MTOR: variants seen among roughly 807,000 people sequenced by gnomAD.
MTOR encodes the protein mechanistic target of rapamycin kinase.
Under a neutral mutation model 319.8 loss-of-function variants are expected in MTOR, and 70 were observed. The observed-to-expected ratio is 0.22, with a 90% CI of 0.18 to 0.27. The LOEUF (loss-of-function observed/expected upper bound fraction) is 0.27, where lower values mean the gene tolerates loss of function less well. MTOR is among the 10% of genes least tolerant of loss of function. MTOR has a pLI of 1.00. For missense variants in MTOR, 1,890 were observed against 3,274.4 expected, an observed-to-expected ratio of 0.58 and a Z score of 10.32; for synonymous variants, 1,183 against 1,211.4, an observed-to-expected ratio of 0.98 and a Z score of 0.49.
rs576612860 is a variant in MTOR, at chr1:11,150,843, T to C, written c.4470-617A>G. 1.6e-3 allele frequency among the ~76,000 whole-genome samples: 250 copies of C among 152,276 alleles called. 2 individuals are homozygous for C. Among genetic ancestry groups the C allele is most frequent in the African/African-American group, 5.5e-3 (230 of 41,562 alleles). On this transcript the variant is annotated intron_variant, in intron 30 of 57. Transcript: ENST00000361445. ...ACACCCCAATAAACAAAAGAGAACA[T>C]GGAAGCCCTAGAATAGGGTCTTGCT...
At chr1:11,132,825 C>T (rs1432986825) in intron 38 of MTOR, 1 of 410,388 alleles carries the variant, frequency 2.4e-6, no homozygotes, top group African/African-American at 2.0e-5. Context: ...GTCTGTAAGA[C>T]AGCAGCAATC....
At chr1:11,242,167 C>T (rs1648133532) in intron 9 of MTOR, among the ~76,000 whole-genome samples, 1 of 152,050 alleles carries the variant, frequency 6.6e-6, no homozygotes, top group Admixed American at 6.6e-5. Context: ...AGTTCGAGAC[C>T]AGCCTGGCCA....
chr1:11,110,459 G>A (rs1641803070), intron 54 of MTOR, among the ~76,000 whole-genome samples: 1 of 151,854 alleles, frequency 6.6e-6, no homozygotes, highest in Non-Finnish European at 1.5e-5. Context: ...CTGGAGTGCA[G>A]TGGCATGATA....
chr1:11,196,327 A>G (rs1645782483), intron 28 of MTOR, among the ~76,000 whole-genome samples: 1 of 152,124 alleles, frequency 6.6e-6, no homozygotes, highest in Non-Finnish European at 1.5e-5. Flanking sequence ...CTAACAAATA[A>G]CCACTCAATC....
intron 36 of MTOR, among the ~76,000 whole-genome samples, chr1:11,136,955 C>T (rs1359593039): frequency 6.6e-6 from 1 of 151,568 alleles, no homozygotes; most frequent in Non-Finnish European, 1.5e-5. Context: ...GATTCTCCCG[C>T]CTCAACTTCC....
At position 11,213,449 on chromosome 1, in the gene MTOR, G is replaced by C. The variant is rs745838002; in HGVS notation, c.3235C>G (p.Leu1079Val). The C allele has an allele frequency of 6.2e-7, 1 of 1,613,778 alleles. No individual in the cohort carries two copies. The highest frequency in any genetic ancestry group is 8.5e-7 in the Non-Finnish European group (1 of 1,180,014). ...LYLPQLIPHM[L>V]RVFMHDNSPG... ...CTGTTGTCATGCATGAAGACACGCA[G>C]CATGTGTGGGATCAGCTGGGGCAGG... The change falls in exon 21 of 58, where the codon CTG becomes GTG. Residue 1079 changes from leucine (L) to valine (V), a missense_variant. This residue lies in a region of MTOR where 377 missense variants were observed against 653.9 expected (regional missense o/e 0.58). Coordinates refer to ENST00000361445, the MANE Select transcript of MTOR (RefSeq NM_004958.4).
intron 19 of MTOR, among the ~76,000 whole-genome samples, chr1:11,223,299 AGACAATCAGG>A (rs1646727168): frequency 6.7e-6 from 1 of 149,378 alleles, no homozygotes; most frequent in Non-Finnish European, 1.5e-5. Flanking sequence ...TGAATTTTTA[AGACAATCAGG>A]GACATCTGAA....
chr1:11,161,067 A>T lies in MTOR; in HGVS notation c.4330-3776T>A, dbSNP rs190712517. ...AAGTTGTGACAGATGGCACCTGGAA[A>T]ATCGGGTCACTCCCACCCTAAAACT... On this transcript the variant is annotated intron_variant, in intron 29 of 57. Coordinates refer to ENST00000361445, the MANE Select transcript of MTOR (RefSeq NM_004958.4). Among the ~76,000 whole-genome samples the T allele has an allele frequency of 2.6e-5, 4 of 152,304 alleles. No homozygotes were observed. In the East Asian group the frequency reaches 7.7e-4, roughly 29 times the overall value.
chr1:11,192,426 G>A, intron 28 of MTOR: 1 of 1,421,812 alleles, frequency 7.0e-7, no homozygotes, highest in South Asian at 1.2e-5. Context: ...ACCCCCTCAA[G>A]GGGACTACAA....
At chr1:11,119,867 T>C (rs1642413399) in intron 49 of MTOR, among the ~76,000 whole-genome samples, 1 of 151,300 alleles carries the variant, frequency 6.6e-6, no homozygotes, top group Non-Finnish European at 1.5e-5. Flanking sequence ...AAAAAATGCC[T>C]GTACAGTCAT....
chr1:11,239,662 T>C (rs1346063756), intron 11 of MTOR, among the ~76,000 whole-genome samples: 1 of 152,112 alleles, frequency 6.6e-6, no homozygotes, highest in Non-Finnish European at 1.5e-5. Flanking sequence ...CCCAGCACTT[T>C]GGGAGGTCGA....
At position 11,144,951 on chromosome 1, in the gene MTOR, G is replaced by C. The variant is rs745867698; in HGVS notation, c.4764+17C>G. ...TAAGCCTCAAAAATGACAATGTGCA[G>C]AATAGTTGACACTTACCCCATATGC... is the stretch of plus-strand genomic sequence containing the variant. On this transcript the variant is annotated intron_variant, in intron 33 of 57. Transcript: ENST00000361445. 17 of 1,612,500 alleles carry C rather than the reference G, an allele frequency of 1.1e-5. No homozygotes were observed. In the South Asian group the frequency reaches 1.9e-4, roughly 18 times the overall value.
In MTOR at chr1:11,234,126, C is replaced by T. The variant is rs202002892; in HGVS notation, c.2331+17G>A. 1.9e-4 allele frequency: 314 copies of T among 1,613,982 alleles called. No homozygotes were observed. The highest frequency in any genetic ancestry group is 2.5e-4 in the Non-Finnish European group (291 of 1,180,002). The stretch of plus-strand genomic sequence containing the variant: ...GACAACGCACAGAGAAAGCACCAGC[C>T]TCTCGGTTTGTGTTACCTTCAGAAT... On this transcript the variant is annotated intron_variant, in intron 14 of 57. Transcript: ENST00000361445.
At chr1:11,171,462 A>C (rs1644812044) in intron 28 of MTOR, among the ~76,000 whole-genome samples, 1 of 151,788 alleles carries the variant, frequency 6.6e-6, no homozygotes, top group Admixed American at 6.6e-5. Context: ...CCTATTTTTA[A>C]ATTTTAACAT....
chr1:11,165,350 A>T (rs1195090336), intron 29 of MTOR, among the ~76,000 whole-genome samples: 1 of 152,200 alleles, frequency 6.6e-6, no homozygotes, highest in Admixed American at 6.5e-5. Flanking sequence ...AAACCCCGTC[A>T]TCTCAGCCCA....
At chr1:11,204,443 C>G in intron 26 of MTOR, 118 bp downstream of exon 26, 1 of 1,349,332 alleles carries the variant, frequency 7.4e-7, no homozygotes, top group Non-Finnish European at 9.9e-7. Flanking sequence ...TCTTTGTATC[C>G]CACAAAATTA....
chr1:11,154,991 A>T (rs1364577914), intron 30 of MTOR, among the ~76,000 whole-genome samples: 2 of 152,072 alleles, frequency 1.3e-5, no homozygotes, highest in African/African-American at 4.8e-5. Context: ...TACAAAAAAT[A>T]AAAAAAATTA....
At chr1:11,116,868 T>C (rs1557741725) in intron 50 of MTOR, 136 bp downstream of exon 50, 5 of 682,064 alleles carry the variant, frequency 7.3e-6, no homozygotes, top group Non-Finnish European at 1.0e-5. Flanking sequence ...GCTAATGTTG[T>C]AAAAGAGACC....
In MTOR at chr1:11,232,540, A is replaced by G. The variant is rs1401672599; in HGVS notation, c.2422-12T>C. On this transcript the variant is annotated splice_polypyrimidine_tract_variant and intron_variant, in intron 15 of 57. Coordinates refer to ENST00000361445, the MANE Select transcript of MTOR (RefSeq NM_004958.4). ...TCCAGGCCACTAACCTGCAAAATGAAAAAGAGGGTGGCAGAAAGGGTTAGA... is the reference window on the plus strand; with the variant it reads ...TCCAGGCCACTAACCTGCAAAATGAGAAAGAGGGTGGCAGAAAGGGTTAGA... The G allele has an allele frequency of 1.2e-5, 19 of 1,608,308 alleles. No individual in the cohort carries two copies. Among genetic ancestry groups the G allele is most frequent in the Non-Finnish European group, 1.5e-5 (18 of 1,175,224 alleles).
Sources: gnomAD v4.1 joint callset for allele counts (sites outside exome capture counted in the v4.1 genomes callset) on GRCh38, gnomAD v4.1.1 for gene constraint, gnomAD v4.1.1 regional missense constraint, MANE v1.5 for transcripts, NCBI Gene and HGNC (gene_info 2026-07-23, HGNC 2026-07-21) for gene names.